EPS15: variants seen among roughly 807,000 people sequenced by gnomAD.
EPS15 encodes the protein epidermal growth factor receptor substrate 15.
EPS15 carries 72 observed loss-of-function variants against 113.8 expected under a neutral mutation model. That is an observed-to-expected ratio of 0.63 (90% CI 0.52 to 0.77). The LOEUF is 0.77. Among genes scored for constraint, EPS15 ranks in the 30% least tolerant of loss-of-function variants. The probability of loss-of-function intolerance (pLI) is 0.00; values close to 1 mark genes in which losing one functional copy is unlikely to be tolerated. For synonymous variants in EPS15, 344 were observed against 363.4 expected (o/e 0.95, Z 0.61); for missense variants, 1,048 against 1,045.8 (o/e 1.00, Z -0.03).
chr1:51,439,845 T>G (rs780300215), intron 12 of EPS15, among the ~76,000 whole-genome samples: 9 of 152,088 alleles, frequency 5.9e-5, no homozygotes, highest in Non-Finnish European at 1.3e-4. Context: ...TATCTCAAAT[T>G]ACAAGGTTTG....
At chr1:51,372,094 T>G (rs1189821906) in intron 21 of EPS15, among the ~76,000 whole-genome samples, 1 of 152,220 alleles carries the variant, frequency 6.6e-6, no homozygotes, top group Non-Finnish European at 1.5e-5. Context: ...AACCACACAT[T>G]TCTCACATTT....
At chr1:51,437,664 G>C in intron 12 of EPS15, among the ~76,000 whole-genome samples, 1 of 151,798 alleles carries the variant, frequency 6.6e-6, no homozygotes, top group Non-Finnish European at 1.5e-5. Flanking sequence ...TGTATTTTTA[G>C]TAGAGACAAC....
At chr1:51,481,705 T>C (rs1177015289) in intron 1 of EPS15, among the ~76,000 whole-genome samples, 2 of 152,184 alleles carry the variant, frequency 1.3e-5, no homozygotes, top group Admixed American at 6.5e-5. Context: ...TATGAATACA[T>C]TTCAAAAACC....
Position 51,408,225 on chromosome 1 carries a change from T to C in EPS15, c.1383A>G (p.Thr461=), listed in dbSNP as rs141365160. 5.6e-6 allele frequency: 9 copies of C among 1,614,010 alleles called. No individual in the cohort carries two copies. Among genetic ancestry groups the C allele is most frequent in the Middle Eastern group, 1.6e-4 (1 of 6,082 alleles). Residue 461 remains threonine, a synonymous_variant, in exon 15 of 25, where the codon ACA becomes ACG. Transcript: ENST00000371733. ...REELSRLQQE[T]AELEESVESG... ...ACTCTACACTCTCCTCCAATTCTGCTGTTTCTTGCTGTAGACGGCTCAGCT... is the reference window on the plus strand; with the variant it reads ...ACTCTACACTCTCCTCCAATTCTGCCGTTTCTTGCTGTAGACGGCTCAGCT...
chr1:51,400,702 C>CA (rs374683517), intron 19 of EPS15, among the ~76,000 whole-genome samples: 2,915 of 22,582 alleles, frequency 0.13, 43 homozygotes, highest in African/African-American at 0.18. Context: ...GTCTCAAAAA[C>CA]AAAAAACACC....
intron 2 of EPS15, among the ~76,000 whole-genome samples, chr1:51,478,722 T>A (rs1315374783): frequency 6.6e-6 from 1 of 151,938 alleles, no homozygotes; most frequent in Non-Finnish European, 1.5e-5. Context: ...TGAAGCTTAG[T>A]TTGGCTGGAT....
intron 1 of EPS15, among the ~76,000 whole-genome samples, chr1:51,496,357 T>C (rs1304599597): frequency 6.6e-6 from 1 of 152,326 alleles, no homozygotes; most frequent in East Asian, 1.9e-4. Context: ...CTCTTTCATA[T>C]GAATTGTAAC....
At chr1:51,373,895 G>A (rs768510573) in intron 21 of EPS15, among the ~76,000 whole-genome samples, 1 of 152,138 alleles carries the variant, frequency 6.6e-6, no homozygotes, top group Non-Finnish European at 1.5e-5. Context: ...AGGTCGCAGT[G>A]AGCCGAGATT....
At chr1:51,411,026 G>A (rs371346146) in intron 13 of EPS15, among the ~76,000 whole-genome samples, 30 of 152,284 alleles carry the variant, frequency 2.0e-4, no homozygotes, top group South Asian at 1.7e-3. Flanking sequence ...GTAAGCTATG[G>A]ATTCAAAGTG....
At position 51,365,962 on chromosome 1, in the gene EPS15, T is replaced by G. The variant is rs756344438; in HGVS notation, c.2187A>C (p.Thr729=). Residue 729 remains threonine, a synonymous_variant, in exon 22 of 25, where the codon ACA becomes ACC. Transcript: ENST00000371733. ...AATTACTGTAGATTACCTTTGACAA[T>G]GTGCTGAAGTCAGCAAATCCACCTC... is the stretch of plus-strand genomic sequence containing the variant. The part of the protein sequence containing the change: ...SFGGGFADFS[T]LSKVNNEDPF... The G allele has an allele frequency of 6.2e-7, 1 of 1,607,456 alleles. No homozygotes were observed. Among genetic ancestry groups the G allele is most frequent in the East Asian group, 2.2e-5 (1 of 44,762 alleles).
chr1:51,426,512 C>G (rs1651210346), intron 12 of EPS15, among the ~76,000 whole-genome samples: 1 of 150,622 alleles, frequency 6.6e-6, no homozygotes, highest in African/African-American at 2.5e-5. Flanking sequence ...CCACAGTACC[C>G]AGATATTTGG....
At chr1:51,430,379 G>T (rs1041350226) in intron 12 of EPS15, among the ~76,000 whole-genome samples, 1 of 151,876 alleles carries the variant, frequency 6.6e-6, no homozygotes, top group Non-Finnish European at 1.5e-5. Context: ...GACAAGCCTG[G>T]CCAACTCGCT....
At chr1:51,504,107 T>C (rs1644457648) in intron 1 of EPS15, among the ~76,000 whole-genome samples, 1 of 152,126 alleles carries the variant, frequency 6.6e-6, no homozygotes, top group African/African-American at 2.4e-5. Context: ...AATTAGACTT[T>C]ATAAAAATTA....
At position 51,375,569 on chromosome 1, in the gene EPS15, G is replaced by A. The variant is rs887330529; in HGVS notation, c.2120-9540C>T. On this transcript the variant is annotated intron_variant, in intron 21 of 24. Coordinates refer to ENST00000371733, the MANE Select transcript of EPS15 (RefSeq NM_001981.3). ...TGTAACATCACCTCTCAGAATCTCAGTAGTTTCCAGAAGTTGGGATTTTAT... is the reference window on the plus strand; with the variant it reads ...TGTAACATCACCTCTCAGAATCTCAATAGTTTCCAGAAGTTGGGATTTTAT... Among the ~76,000 whole-genome samples, 4 of 152,070 alleles carry A rather than the reference G, an allele frequency of 2.6e-5. 1 individual carries two copies. In the South Asian group the frequency reaches 8.3e-4, roughly 32 times the overall value.
chr1:51,423,116 T>C, intron 12 of EPS15: 1 of 974,672 alleles, frequency 1.0e-6, no homozygotes, highest in South Asian at 1.6e-5. Context: ...AGGCACAATG[T>C]TCTTAAGATG....
At chr1:51,409,050 T>G (rs1649431205) in intron 14 of EPS15, among the ~76,000 whole-genome samples, 1 of 152,150 alleles carries the variant, frequency 6.6e-6, no homozygotes, top group Non-Finnish European at 1.5e-5. Context: ...CCTCCCAAAG[T>G]GCTGGGATTA....
At chr1:51,368,645 T>A (rs1353065334) in intron 21 of EPS15, among the ~76,000 whole-genome samples, 1 of 151,352 alleles carries the variant, frequency 6.6e-6, no homozygotes, top group East Asian at 1.9e-4. Context: ...TCACCCAGGC[T>A]GGAGTGCAGT....
At chr1:51,416,727 A>G (rs1243665106) in intron 13 of EPS15, among the ~76,000 whole-genome samples, 1 of 152,062 alleles carries the variant, frequency 6.6e-6, no homozygotes, top group Non-Finnish European at 1.5e-5. Context: ...ACAACTGATG[A>G]AGTTACTTTA....
At chr1:51,400,839 GT>G in intron 19 of EPS15, 78 bp downstream of exon 19, 1 of 872,508 alleles carries the variant, frequency 1.1e-6, no homozygotes. Flanking sequence ...TGGGGCTTCA[GT>G]TTCAGACCTA....
Sources: gnomAD v4.1 joint callset for allele counts (sites outside exome capture counted in the v4.1 genomes callset) on GRCh38, gnomAD v4.1.1 for gene constraint, MANE v1.5 for transcripts, NCBI Gene and HGNC (gene_info 2026-07-23, HGNC 2026-07-21) for gene names.